TSPAN5: variants seen among roughly 807,000 people sequenced by gnomAD.
TSPAN5 encodes tetraspanin 5.
A neutral mutation model predicts 37.1 loss-of-function variants in TSPAN5; 10 were observed. That is an observed-to-expected ratio of 0.27 (90% CI 0.17 to 0.46). The LOEUF is 0.46. TSPAN5 is among the 20% of genes least tolerant of loss of function. The probability of loss-of-function intolerance (pLI) is 1.00; values close to 1 mark genes in which losing one functional copy is unlikely to be tolerated. For missense variants in TSPAN5, 195 were observed against 326.6 expected, an observed-to-expected ratio of 0.60 and a Z score of 3.11; for synonymous variants, 110 against 118.9, an observed-to-expected ratio of 0.93 and a Z score of 0.48.
intron 1 of TSPAN5, among the ~76,000 whole-genome samples, chr4:98,564,554 C>G (rs986172442): frequency 3.4e-5 from 5 of 148,766 alleles, no homozygotes; most frequent in Admixed American, 6.8e-5. Context: ...TAATGCTTCC[C>G]ACACCTAACC....
At chr4:98,476,969 C>G (rs1752716694) in intron 5 of TSPAN5, among the ~76,000 whole-genome samples, 1 of 152,230 alleles carries the variant, frequency 6.6e-6, no homozygotes, top group South Asian at 2.1e-4. Context: ...TGACGTCTCA[C>G]AGGGTCTGAT....
At chr4:98,486,994 G>A in intron 2 of TSPAN5, 110 bp from the exon 3 acceptor site, 2 of 1,068,340 alleles carry the variant, frequency 1.9e-6, no homozygotes, top group South Asian at 1.5e-5. Context: ...ACCTTCAGAG[G>A]GCATCTGATT....
intron 1 of TSPAN5, among the ~76,000 whole-genome samples, chr4:98,643,034 G>A (rs952768234): frequency 2.6e-5 from 4 of 152,196 alleles, no homozygotes; most frequent in Admixed American, 1.3e-4. Context: ...TTTGTGTACA[G>A]TAATGTCCTA....
At chr4:98,592,283 G>A (rs1262797250) in intron 1 of TSPAN5, among the ~76,000 whole-genome samples, 1 of 149,346 alleles carries the variant, frequency 6.7e-6, no homozygotes, top group Non-Finnish European at 1.5e-5. Flanking sequence ...CAAAAGACCA[G>A]ACAGAACCAG....
rs546845512 is a variant in TSPAN5, at chr4:98,635,871, G to A, written c.81+22275C>T. Among the ~76,000 whole-genome samples the A allele has an allele frequency of 1.1e-4, 16 of 152,230 alleles. No homozygotes were observed. The East Asian group carries it at 3.1e-3, about 29-fold the overall frequency. Reference sequence around the variant, plus strand: ...AAATATTGCCAACAAAGAGCTATAAGGAATATATAAAGACTGAACTGCTAA... The same window carrying A: ...AAATATTGCCAACAAAGAGCTATAAAGAATATATAAAGACTGAACTGCTAA... On this transcript the variant is annotated intron_variant, in intron 1 of 7. Transcript: ENST00000305798.
chr4:98,635,838 T>C (rs534998401), intron 1 of TSPAN5, among the ~76,000 whole-genome samples: 5 of 152,332 alleles, frequency 3.3e-5, no homozygotes, highest in Admixed American at 1.3e-4. Flanking sequence ...GTATTCTTTA[T>C]GATTTAAAAA....
chr4:98,490,919 G>A (rs759235955), intron 2 of TSPAN5, among the ~76,000 whole-genome samples: 24 of 151,990 alleles, frequency 1.6e-4, no homozygotes, highest in Non-Finnish European at 2.8e-4. Context: ...AAAATTAGCC[G>A]GGCGTGGCAG....
chr4:98,654,574 T>C (rs1040582372), intron 1 of TSPAN5, among the ~76,000 whole-genome samples: 1 of 152,134 alleles, frequency 6.6e-6, no homozygotes, highest in Non-Finnish European at 1.5e-5. Context: ...TGTTCCAATA[T>C]ATAACAGAGG....
intron 1 of TSPAN5, among the ~76,000 whole-genome samples, chr4:98,613,153 T>A (rs63660661): frequency 2.8e-4 from 39 of 136,878 alleles, no homozygotes; most frequent in Admixed American, 6.6e-4. Flanking sequence ...TTTTTTTTTT[T>A]AATTCCACGG....
chr4:98,577,786 T>C (rs1755273066), intron 1 of TSPAN5, among the ~76,000 whole-genome samples: 1 of 152,182 alleles, frequency 6.6e-6, no homozygotes, highest in South Asian at 2.1e-4. Flanking sequence ...TGTGAGTGAC[T>C]TTACCTCTCT....
At chr4:98,542,716 CT>C (rs1473959037) in intron 1 of TSPAN5, among the ~76,000 whole-genome samples, 5 of 66,792 alleles carry the variant, frequency 7.5e-5, no homozygotes, top group South Asian at 7.9e-4. Context: ...GACCTCATCT[CT>C]TTAAAAAAAA....
intron 1 of TSPAN5, among the ~76,000 whole-genome samples, chr4:98,624,974 CA>C (rs1756563390): frequency 1.3e-5 from 2 of 152,062 alleles, no homozygotes; most frequent in Admixed American, 6.6e-5. Flanking sequence ...CCAAAAAAAC[CA>C]TCATTGAAAA....
At chr4:98,586,860 T>G (rs950016988) in intron 1 of TSPAN5, among the ~76,000 whole-genome samples, 3 of 152,200 alleles carry the variant, frequency 2.0e-5, no homozygotes, top group Non-Finnish European at 4.4e-5. Flanking sequence ...CATTCTCATA[T>G]TCCCACCAAG....
chr4:98,615,959 GA>G (rs1267176751), intron 1 of TSPAN5, among the ~76,000 whole-genome samples: 1 of 152,114 alleles, frequency 6.6e-6, no homozygotes, highest in Non-Finnish European at 1.5e-5. Flanking sequence ...CAGAACAAGT[GA>G]AATCAAAAGG....
At chr4:98,571,911 C>G (rs904218663) in intron 1 of TSPAN5, among the ~76,000 whole-genome samples, 2 of 152,002 alleles carry the variant, frequency 1.3e-5, no homozygotes, top group African/African-American at 2.4e-5. Flanking sequence ...TATTACAGTC[C>G]GGTGGTGGAG....
At chr4:98,514,269 C>T (rs546664205) in intron 1 of TSPAN5, among the ~76,000 whole-genome samples, 1 of 152,326 alleles carries the variant, frequency 6.6e-6, no homozygotes, top group African/African-American at 2.4e-5. Context: ...CCTGAAGCTG[C>T]AGCACCTGTA....
rs1753493861 is a variant in TSPAN5, at chr4:98,507,053, C to T, written c.132+625G>A. ...AACTGCCCAGAACATTGTATCTTCA[C>T]TGTCACATAGATTACTCTGTATTTC... On this transcript the variant is annotated intron_variant, in intron 2 of 7. Coordinates refer to ENST00000305798, the MANE Select transcript of TSPAN5 (RefSeq NM_005723.4). Among the ~76,000 whole-genome samples the T allele has an allele frequency of 3.9e-5, 6 of 152,180 alleles. 1 individual carries two copies. The highest frequency in any genetic ancestry group is 3.9e-4 in the Admixed American group (6 of 15,282).
At chr4:98,599,042 G>A (rs919033607) in intron 1 of TSPAN5, among the ~76,000 whole-genome samples, 1 of 152,166 alleles carries the variant, frequency 6.6e-6, no homozygotes, top group Non-Finnish European at 1.5e-5. Flanking sequence ...ACACAATCCA[G>A]AGGCTATTTA....
chr4:98,658,349 C>A lies in TSPAN5; in HGVS notation c.-123G>T, dbSNP rs992938968. Reference sequence around the variant, plus strand: ...ACACCGCACGGGGCCGCGGCGCTGGCGGCCTGGGCTCAGCCGCGCGGGGAC... The same window carrying A: ...ACACCGCACGGGGCCGCGGCGCTGGAGGCCTGGGCTCAGCCGCGCGGGGAC... On this transcript the variant is annotated 5_prime_UTR_variant, in exon 1 of 8. Coordinates refer to ENST00000305798, the MANE Select transcript of TSPAN5 (RefSeq NM_005723.4). 5.1e-6 allele frequency: 4 copies of A among 788,066 alleles called. No homozygotes were observed. The highest frequency in any genetic ancestry group is 8.4e-6 in the Non-Finnish European group (4 of 476,928). The allele number at this position is 788,066 out of a possible 1,614,324, so 48.8% of individuals were successfully genotyped here.
Sources: gnomAD v4.1 joint callset for allele counts (sites outside exome capture counted in the v4.1 genomes callset) on GRCh38, gnomAD v4.1.1 for gene constraint, MANE v1.5 for transcripts, NCBI Gene and HGNC (gene_info 2026-07-23, HGNC 2026-07-21) for gene names.